Variants in RHPN2 observed in about 807,000 individuals in gnomAD.
RHPN2 encodes rhophilin-2.
A neutral mutation model predicts 79.0 loss-of-function variants in RHPN2; 40 were observed. The observed-to-expected ratio is 0.51, with a 90% confidence interval of 0.39 to 0.66. RHPN2 has a LOEUF of 0.66. Ranked by LOEUF, RHPN2 falls within the 30% of genes least tolerant of loss-of-function variation. RHPN2 has a pLI of 0.00. For synonymous variants in RHPN2, 285 were observed against 363.5 expected, an observed-to-expected ratio of 0.78 and a Z score of 2.46; for missense variants, 686 against 883.5, an observed-to-expected ratio of 0.78 and a Z score of 2.83.
At position 32,980,383 on chromosome 19, in the gene RHPN2, G is replaced by A. The variant is rs191575433; in HGVS notation, c.1801-127C>T. On this transcript the variant is annotated intron_variant, in intron 14 of 14. Coordinates refer to ENST00000254260, the MANE Select transcript of RHPN2 (RefSeq NM_033103.5). ...AACAGTTTGGGAGGCCGAGGAAGGCGGATCACTTGAGGTCAGGAGTTCAAG... is the reference window on the plus strand; with the variant it reads ...AACAGTTTGGGAGGCCGAGGAAGGCAGATCACTTGAGGTCAGGAGTTCAAG... The A allele has an allele frequency of 1.9e-5, 21 of 1,087,830 alleles. 1 individual carries two copies. The highest frequency in any genetic ancestry group is 1.2e-4 in the African/African-American group (8 of 64,566). 67.4% of individuals were successfully genotyped at this position (1,087,830 alleles called of 1,614,324 possible). A position where few individuals can be genotyped will look rare whatever the true frequency, so the allele number is the denominator to read the frequency against.
chr19:32,981,510 GA>G (rs201890754), intron 14 of RHPN2, among the ~76,000 whole-genome samples: 31,410 of 130,792 alleles, frequency 0.24, 4,171 homozygotes, highest in East Asian at 0.39. Flanking sequence ...CAAGGGAAGG[GA>G]AAAAAAAAAA....
At chr19:33,042,170 C>T (rs555698496) in intron 2 of RHPN2, among the ~76,000 whole-genome samples, 1 of 139,994 alleles carries the variant, frequency 7.1e-6, no homozygotes, top group Admixed American at 7.2e-5. Flanking sequence ...GCCTGGGCAA[C>T]AAGAGTGAAA....
At chr19:33,032,124 A>G (rs1224516412) in intron 2 of RHPN2, among the ~76,000 whole-genome samples, 2 of 132,426 alleles carry the variant, frequency 1.5e-5, no homozygotes, top group South Asian at 4.8e-4. Context: ...AGGTTCAAGC[A>G]ATTCTCCTGC....
intron 3 of RHPN2, among the ~76,000 whole-genome samples, chr19:33,025,986 T>G (rs1436910145): frequency 3.4e-5 from 5 of 146,586 alleles, no homozygotes; most frequent in Non-Finnish European, 7.4e-5. Flanking sequence ...CATTTGTTTT[T>G]TTTTTTTTTT....
chr19:32,979,892 G>A lies in RHPN2; in HGVS notation c.*104C>T. ...GTGAGTTTACACTATGAGAAAAACAGGATTTGAGAACAGATAGATAGATAT... is the reference window on the plus strand; with the variant it reads ...GTGAGTTTACACTATGAGAAAAACAAGATTTGAGAACAGATAGATAGATAT... On this transcript the variant is annotated 3_prime_UTR_variant, in exon 15 of 15. Coordinates refer to ENST00000254260, the MANE Select transcript of RHPN2 (RefSeq NM_033103.5). 3 of 1,377,646 alleles carry A rather than the reference G, an allele frequency of 2.2e-6. No homozygotes were observed. Among genetic ancestry groups the A allele is most frequent in the East Asian group, 4.6e-5 (2 of 43,598 alleles). 85.3% of individuals were successfully genotyped at this position (1,377,646 alleles called of 1,614,324 possible).
chr19:32,991,522 C>T (rs1234607799), intron 13 of RHPN2: 2 of 392,550 alleles, frequency 5.1e-6, no homozygotes, highest in Non-Finnish European at 9.5e-6. Context: ...ATCCCAGCTA[C>T]TCAGGAAGCT....
chr19:33,057,303 A>G (rs1347841379), intron 1 of RHPN2, among the ~76,000 whole-genome samples: 1 of 152,012 alleles, frequency 6.6e-6, no homozygotes, highest in African/African-American at 2.4e-5. Context: ...TGATCATGCC[A>G]CTGCACTCCA....
intron 3 of RHPN2, among the ~76,000 whole-genome samples, chr19:33,024,266 T>C (rs1402642846): frequency 1.3e-5 from 2 of 151,958 alleles, no homozygotes; most frequent in African/African-American, 4.8e-5. Context: ...ACCCCGTCTC[T>C]ACTAAAAATA....
chr19:33,002,938 T>C lies in RHPN2; in HGVS notation c.823A>G (p.Met275Val). The change falls in exon 8 of 15, where the codon ATG becomes GTG. Residue 275 changes from methionine to valine, a missense_variant. Coordinates refer to ENST00000254260, the MANE Select transcript of RHPN2 (RefSeq NM_033103.5). ...HTPSYDMSPA[M>V]LSVLVKMMLA... ...ATCATTTTGACGAGCACGCTGAGCA[T>C]GGCAGGGCTCATGTCGTAACTTGGA... The C allele has an allele frequency of 6.2e-7, 1 of 1,613,984 alleles. No homozygotes were observed. Among genetic ancestry groups the C allele is most frequent in the Non-Finnish European group, 8.5e-7 (1 of 1,179,868 alleles).
At chr19:33,045,754 G>A (rs1043077359) in intron 1 of RHPN2, among the ~76,000 whole-genome samples, 5 of 151,966 alleles carry the variant, frequency 3.3e-5, no homozygotes, top group African/African-American at 9.7e-5. Flanking sequence ...GATTACAGGC[G>A]CGAGCCACCA....
chr19:33,021,512 G>A (rs903514949), intron 4 of RHPN2, 59 bp downstream of exon 4: 96 of 1,388,344 alleles, frequency 6.9e-5, no homozygotes, highest in Admixed American at 1.3e-4. Context: ...ATGCGCCACT[G>A]CAAATGGCCT....
At chr19:33,038,020 T>C (rs530221973) in intron 2 of RHPN2, among the ~76,000 whole-genome samples, 4 of 152,062 alleles carry the variant, frequency 2.6e-5, no homozygotes, top group South Asian at 2.1e-4. Flanking sequence ...CTGAGCATCA[T>C]AGGGAGACCC....
intron 10 of RHPN2, among the ~76,000 whole-genome samples, chr19:32,998,197 GTGT>G (rs1971718345): frequency 6.6e-6 from 1 of 152,202 alleles, no homozygotes; most frequent in African/African-American, 2.4e-5. Context: ...GCACCTCATA[GTGT>G]TGTGTGGGGT....
chr19:33,003,474 A>T (rs1426646987), intron 7 of RHPN2, among the ~76,000 whole-genome samples: 1 of 152,010 alleles, frequency 6.6e-6, no homozygotes, highest in East Asian at 1.9e-4. Context: ...TTCCACTCCT[A>T]TGATATATAT....
chr19:33,019,757 C>T (rs1384104838), intron 4 of RHPN2, among the ~76,000 whole-genome samples: 1 of 151,180 alleles, frequency 6.6e-6, no homozygotes, highest in Non-Finnish European at 1.5e-5. Context: ...AAGTGAGACT[C>T]TGTCTCAAAA....
rs1351773390 is a variant in RHPN2 at position 32,979,915 on chromosome 19, T to C, written c.*81A>G. ...CAGGATTTGAGAACAGATAGATAGA[T>C]ATTTTCCATTATGGCACAAACGTTT... On this transcript the variant is annotated 3_prime_UTR_variant, in exon 15 of 15. Transcript: ENST00000254260. 5 of 1,489,570 alleles carry C rather than the reference T, an allele frequency of 3.4e-6. No homozygotes were observed. The highest frequency in any genetic ancestry group is 3.4e-4 in the Middle Eastern group (2 of 5,820). 92.3% of individuals were successfully genotyped at this position (1,489,570 alleles called of 1,614,324 possible).
intron 1 of RHPN2, among the ~76,000 whole-genome samples, chr19:33,063,059 G>A (rs992001263): frequency 2.0e-5 from 3 of 152,094 alleles, no homozygotes; most frequent in African/African-American, 7.2e-5. Context: ...CCCAGAAAGA[G>A]GCAGCAACTT....
chr19:33,047,092 C>G (rs754182471), intron 1 of RHPN2, among the ~76,000 whole-genome samples: 21 of 152,136 alleles, frequency 1.4e-4, no homozygotes, highest in Non-Finnish European at 2.6e-4. Context: ...AATTCCTGAC[C>G]TCAAGTGATC....
At chr19:32,982,241 C>G (rs1296117289) in intron 14 of RHPN2, among the ~76,000 whole-genome samples, 2 of 151,872 alleles carry the variant, frequency 1.3e-5, no homozygotes, top group Non-Finnish European at 2.9e-5. Flanking sequence ...AACCCCATCT[C>G]TACTAAAAAT....
Sources: gnomAD v4.1 joint callset for allele counts (sites outside exome capture counted in the v4.1 genomes callset) on GRCh38, gnomAD v4.1.1 for gene constraint, MANE v1.5 for transcripts, NCBI Gene and HGNC (gene_info 2026-07-23, HGNC 2026-07-21) for gene names.